Variants in UNC5CL observed in about 807,000 individuals in gnomAD.
UNC5CL encodes UNC5C-like protein.
A neutral mutation model predicts 54.1 loss-of-function variants in UNC5CL; 42 were observed. The ratio of observed to expected loss-of-function variants is 0.78; its 90% CI spans 0.61 to 1.00. The LOEUF is 1.00. Among genes scored for constraint, UNC5CL ranks in the 50% least tolerant of loss-of-function variants. The pLI is 0.00. For missense variants in UNC5CL, 619 were observed against 675.6 expected (o/e 0.92, Z 0.93); for synonymous variants, 285 against 285.1 (o/e 1.00, Z 0.00).
At chr6:41,034,393 C>T (rs1156851372) in intron 2 of UNC5CL, among the ~76,000 whole-genome samples, 2 of 152,218 alleles carry the variant, frequency 1.3e-5, no homozygotes, top group East Asian at 3.8e-4. Flanking sequence ...TCCACCCAGG[C>T]TGCTGCTAGC....
rs763019806 is a variant in UNC5CL at position 41,033,861 on chromosome 6, G to A, written c.686+20C>T. 8 of 1,606,948 alleles carry A rather than the reference G, an allele frequency of 5.0e-6. No homozygotes were observed. The highest frequency in any genetic ancestry group is 6.0e-6 in the Non-Finnish European group (7 of 1,176,060). On this transcript the variant is annotated intron_variant, in intron 3 of 8. Transcript: ENST00000244565. The stretch of plus-strand genomic sequence containing the variant: ...TCAGAGAGATGGGTGTGGGAAGACA[G>A]GCCAATGGCATGTGCCTACCTGAAG...
At chr6:41,034,288 G>T in intron 2 of UNC5CL, 107 bp from the exon 3 acceptor site, 1 of 1,333,398 alleles carries the variant, frequency 7.5e-7, no homozygotes, top group Non-Finnish European at 1.0e-6. Context: ...GCCCAGGAGA[G>T]ACCCCCAGCA....
chr6:41,030,035 T>A (rs1023268900), intron 8 of UNC5CL, among the ~76,000 whole-genome samples: 1 of 152,180 alleles, frequency 6.6e-6, no homozygotes, highest in African/African-American at 2.4e-5. Flanking sequence ...ATTTATTGAA[T>A]TAACAAGTGT....
In UNC5CL at chr6:41,034,901, G is replaced by T; in HGVS notation, c.174C>A (p.Pro58=). 6.2e-7 allele frequency: 1 copy of T among 1,614,198 alleles called. No homozygotes were observed. Residue 58 remains proline, a synonymous_variant, in exon 2 of 9, where the codon CCC becomes CCA. Transcript: ENST00000244565. ...GCCTTGAGACCTCATTTTCTAGTTG[G>T]GGGGTAGGCTGGGACACTGGTTCCT... The part of the protein sequence containing the change: ...GQEEPVSQPT[P]QLENEVSRQH...
rs933889195 is a variant in UNC5CL at position 41,026,943 on chromosome 6, A to G, written c.*1430T>C. 2 of 152,222 alleles carry G rather than the reference A, an allele frequency of 1.3e-5. No individual in the cohort carries two copies. Among genetic ancestry groups the G allele is most frequent in the African/African-American group, 4.8e-5 (2 of 41,444 alleles). 9.4% of individuals were successfully genotyped at this position (152,222 alleles called of 1,614,324 possible). A position where few individuals can be genotyped will look rare whatever the true frequency, so the allele number is the denominator to read the frequency against. Reference sequence around the variant, plus strand: ...AAGCTTTAATATTTTTTAATTAAATACAGAAGAAAATTGTGTTGCCAGAGA... The same window carrying G: ...AAGCTTTAATATTTTTTAATTAAATGCAGAAGAAAATTGTGTTGCCAGAGA... On this transcript the variant is annotated 3_prime_UTR_variant, in exon 9 of 9. Transcript: ENST00000244565.
chr6:41,036,492 C>CT (rs1762525465), intron 1 of UNC5CL, among the ~76,000 whole-genome samples: 1 of 152,146 alleles, frequency 6.6e-6, no homozygotes, highest in Non-Finnish European at 1.5e-5. Flanking sequence ...TTTCTCTGTA[C>CT]TTTGAATTTT....
At chr6:41,033,631 G>A (rs536739713) in intron 3 of UNC5CL, 1 of 573,490 alleles carries the variant, frequency 1.7e-6, no homozygotes, top group Non-Finnish European at 3.1e-6. Context: ...TGGAGAGATG[G>A]TGCTGAGTCA....
intron 3 of UNC5CL, 131 bp downstream of exon 3, chr6:41,033,750 C>A: frequency 9.3e-7 from 1 of 1,075,990 alleles, no homozygotes; most frequent in Non-Finnish European, 1.3e-6. Flanking sequence ...GAAAGAGACA[C>A]CAGGGGATAA....
In UNC5CL at chr6:41,028,340, C is replaced by G. The variant is rs939349882; in HGVS notation, c.*33G>C. Reference sequence around the variant, plus strand: ...GCGTAGGAGAACAACCCCTCTCGCCCCTACACCTCCTCCGGCCCTGCCCGC... The same window carrying G: ...GCGTAGGAGAACAACCCCTCTCGCCGCTACACCTCCTCCGGCCCTGCCCGC... On this transcript the variant is annotated 3_prime_UTR_variant, in exon 9 of 9. Transcript: ENST00000244565. This position sits in a 1 kb window ranked among gnomAD's most constrained non-coding sequence, Gnocchi z 4.3. 6.5e-7 allele frequency: 1 copy of G among 1,531,820 alleles called. No homozygotes were observed. The highest frequency in any genetic ancestry group is 8.8e-7 in the Non-Finnish European group (1 of 1,141,278). The allele number at this position is 1,531,820 out of a possible 1,614,324, so 94.9% of individuals were successfully genotyped here. A position where few individuals can be genotyped will look rare whatever the true frequency, so the allele number is the denominator to read the frequency against.
Position 41,027,328 on chromosome 6 carries a change from A to T in UNC5CL, c.*1045T>A, listed in dbSNP as rs986714473. ...GGGTTTCAGGCAGAGAAAGAAACAC[A>T]CAAAGACAGGGCACAGAGACTAGGC... On this transcript the variant is annotated 3_prime_UTR_variant, in exon 9 of 9. Coordinates refer to ENST00000244565, the MANE Select transcript of UNC5CL (RefSeq NM_173561.3). The T allele has an allele frequency of 6.6e-6, 1 of 152,248 alleles. No individual in the cohort carries two copies. Among genetic ancestry groups the T allele is most frequent in the Non-Finnish European group, 1.5e-5 (1 of 68,056 alleles). The allele number at this position is 152,248 out of a possible 1,614,324, so 9.4% of individuals were successfully genotyped here.
At chr6:41,031,961 G>A in intron 5 of UNC5CL, 75 bp downstream of exon 5, 4 of 1,484,524 alleles carry the variant, frequency 2.7e-6, no homozygotes, top group Non-Finnish European at 3.8e-6. Flanking sequence ...GAGCTCCAGG[G>A]TTACTGGGAG....
intron 6 of UNC5CL, 106 bp from the exon 7 acceptor site, chr6:41,030,861 C>T: frequency 1.1e-6 from 1 of 944,716 alleles, no homozygotes; most frequent in Non-Finnish European, 1.6e-6. Context: ...TTCAGTCTGT[C>T]ACTCAGAGCC....
intron 3 of UNC5CL, chr6:41,033,596 A>T: frequency 1.8e-6 from 1 of 542,074 alleles, no homozygotes; most frequent in Admixed American, 3.5e-5. Context: ...ACAGAGAGAG[A>T]TGGGAAAGAC....
In UNC5CL at chr6:41,028,289, A is replaced by G; in HGVS notation, c.*84T>C. On this transcript the variant is annotated 3_prime_UTR_variant, in exon 9 of 9. Coordinates refer to ENST00000244565, the MANE Select transcript of UNC5CL (RefSeq NM_173561.3). This position sits in a 1 kb window ranked among gnomAD's most constrained non-coding sequence, Gnocchi z 4.3. ...TCTGGGAAGGGTGGTGGGCACAGCC[A>G]GGAACAGCTGCTGTGTTCCTCTTAG... 1.5e-6 allele frequency: 2 copies of G among 1,352,716 alleles called. No individual in the cohort carries two copies. The highest frequency in any genetic ancestry group is 2.0e-6 in the Non-Finnish European group (2 of 1,011,640). 83.8% of individuals were successfully genotyped at this position (1,352,716 alleles called of 1,614,324 possible). A position where few individuals can be genotyped will look rare whatever the true frequency, so the allele number is the denominator to read the frequency against.
At position 41,032,072 on chromosome 6, in the gene UNC5CL, A is replaced by C; in HGVS notation, c.1015T>G (p.Cys339Gly). The C allele has an allele frequency of 6.2e-7, 1 of 1,614,176 alleles. No individual in the cohort carries two copies. Among genetic ancestry groups the C allele is most frequent in the Non-Finnish European group, 8.5e-7 (1 of 1,180,032 alleles). The part of the protein sequence containing the change: ...VPHLHIWHGK[C>G]PFRSFCFRRK... ...CGGAAGCAGAAGGAGCGGAAGGGGC[A>C]CTTTCCATGCCAGATGTGGAGATGG... Residue 339 changes from cysteine (C) to glycine (G), a missense_variant, in exon 5 of 9, where the codon TGC (cysteine) becomes GGC (glycine). Physicochemically the swap from Cys to Gly is radical, Grantham distance 159. Coordinates refer to ENST00000244565, the MANE Select transcript of UNC5CL (RefSeq NM_173561.3).
intron 1 of UNC5CL, among the ~76,000 whole-genome samples, chr6:41,035,573 C>T (rs1387092344): frequency 1.3e-5 from 2 of 152,232 alleles, no homozygotes; most frequent in Non-Finnish European, 2.9e-5. Context: ...ATGCTCCTTA[C>T]AGAGCAGAGC....
chr6:41,029,306 A>C lies in UNC5CL; in HGVS notation c.1335-711T>G, dbSNP rs1479760781. ...TCACTTCCTCCCTGAAGCCCTTTCT[A>C]GTTCACCCCTCCCAGGTGGAAGAGA... On this transcript the variant is annotated intron_variant, in intron 8 of 8. Transcript: ENST00000244565. The surrounding 1 kb of genome is among the most constrained non-coding windows in gnomAD (Gnocchi z 4.1). 6.6e-6 allele frequency among the ~76,000 whole-genome samples: 1 copy of C among 152,186 alleles called. No individual in the cohort carries two copies. The highest frequency in any genetic ancestry group is 1.5e-5 in the Non-Finnish European group (1 of 68,044).
At chr6:41,031,132 A>G (rs890850799) in intron 6 of UNC5CL, among the ~76,000 whole-genome samples, 4 of 152,054 alleles carry the variant, frequency 2.6e-5, no homozygotes, top group Non-Finnish European at 5.9e-5. Context: ...CCTCTTCTCC[A>G]AGTGACAACA....
At position 41,028,441 on chromosome 6, in the gene UNC5CL, C is replaced by T; in HGVS notation, c.1489G>A (p.Gly497Ser). 2 of 1,613,346 alleles carry T rather than the reference C, an allele frequency of 1.2e-6. No individual in the cohort carries two copies. Among genetic ancestry groups the T allele is most frequent in the Non-Finnish European group, 1.7e-6 (2 of 1,179,854 alleles). Residue 497 changes from glycine to serine, a missense_variant, in exon 9 of 9, where the codon GGC becomes AGC. By Grantham distance (56) the Gly-to-Ser change is moderately conservative. Coordinates refer to ENST00000244565, the MANE Select transcript of UNC5CL (RefSeq NM_173561.3). The surrounding 1 kb of genome is among the most constrained non-coding windows in gnomAD (Gnocchi z 4.3). ...IQNYLSGTHG[G>S]SPGPERGGAR... ...CCCCCGCGCTCGGGGCCTGGGCTGC[C>T]GCCGTGTGTCCCACTCAGGTAGTTC...
Sources: gnomAD v4.1 joint callset for allele counts (sites outside exome capture counted in the v4.1 genomes callset) on GRCh38, gnomAD v4.1.1 for gene constraint, Gnocchi (gnomAD v3.1) non-coding constraint, MANE v1.5 for transcripts, NCBI Gene and HGNC (gene_info 2026-07-23, HGNC 2026-07-21) for gene names.